The following CPQ variants were observed in gnomAD, a reference collection of about 807,000 sequenced individuals.
The protein encoded by CPQ is carboxypeptidase Q, also known as Ser-Met dipeptidase.
Under a neutral mutation model 45.7 loss-of-function variants are expected in CPQ, and 37 were observed. The observed-to-expected ratio is 0.81, with a 90% CI of 0.62 to 1.07. The LOEUF (loss-of-function observed/expected upper bound fraction) is 1.07. Among genes scored for constraint, CPQ ranks in the 50% least tolerant of loss-of-function variants. The pLI, the probability that CPQ is intolerant of heterozygous loss-of-function variation, is 0.00. For synonymous variants in CPQ, 186 were observed against 205.8 expected, an observed-to-expected ratio of 0.90 and a Z score of 0.82; for missense variants, 537 against 572.9, an observed-to-expected ratio of 0.94 and a Z score of 0.64.
At chr8:97,044,271 T>C (rs560420994) in intron 6 of CPQ, among the ~76,000 whole-genome samples, 40 of 152,358 alleles carry the variant, frequency 2.6e-4, no homozygotes, top group Middle Eastern at 3.4e-3. Flanking sequence ...TCCAGTTGAT[T>C]GCATCGGCTC....
intron 4 of CPQ, among the ~76,000 whole-genome samples, chr8:96,926,649 CCTT>C (rs1254904661): frequency 9.9e-5 from 12 of 120,824 alleles, no homozygotes; most frequent in African/African-American, 3.7e-4. Flanking sequence ...TTCTTCTTCT[CCTT>C]CTCCTTCTCC....
intron 5 of CPQ, among the ~76,000 whole-genome samples, chr8:96,977,373 A>G (rs932289380): frequency 6.6e-6 from 1 of 152,044 alleles, no homozygotes; most frequent in Non-Finnish European, 1.5e-5. Flanking sequence ...AAAAGGGAAC[A>G]CTTTTACACT....
At chr8:96,904,800 G>A (rs1002821607) in intron 4 of CPQ, among the ~76,000 whole-genome samples, 1 of 152,040 alleles carries the variant, frequency 6.6e-6, no homozygotes, top group African/African-American at 2.4e-5. Context: ...CAACTCCAAG[G>A]GGTGCCACTT....
rs189019747 is a variant in CPQ at position 96,734,080 on chromosome 8, C to T, written c.-34-50784C>T. On this transcript the variant is annotated intron_variant, in intron 1 of 7. Coordinates refer to ENST00000220763, the MANE Select transcript of CPQ (RefSeq NM_016134.4). ...TCTAAGAGGCATTAATTACAGTGCG[C>T]ACAGCTGTATGTAGCAGTATGGGCT... Among the ~76,000 whole-genome samples, 6 of 152,292 alleles carry T rather than the reference C, an allele frequency of 3.9e-5. No individual in the cohort carries two copies. In the East Asian group the frequency reaches 1.2e-3, roughly 29 times the overall value.
At chr8:96,794,431 A>G (rs1401607745) in intron 2 of CPQ, among the ~76,000 whole-genome samples, 2 of 152,166 alleles carry the variant, frequency 1.3e-5, no homozygotes, top group Non-Finnish European at 2.9e-5. Context: ...GGCACACAGT[A>G]TGAGGATCCT....
At chr8:96,987,199 A>ATATG (rs1333902215) in intron 5 of CPQ, among the ~76,000 whole-genome samples, 2 of 152,090 alleles carry the variant, frequency 1.3e-5, no homozygotes, top group Non-Finnish European at 1.5e-5. Flanking sequence ...GTATACTTCC[A>ATATG]TTGTCAGATT....
intron 1 of CPQ, among the ~76,000 whole-genome samples, chr8:96,674,658 A>G (rs550855937): frequency 4.6e-5 from 7 of 152,290 alleles, no homozygotes; most frequent in South Asian, 4.1e-4. Flanking sequence ...CAAAATGTGA[A>G]CAAAATGTTT....
chr8:96,704,142 A>G (rs113490938), intron 1 of CPQ, among the ~76,000 whole-genome samples: 3,652 of 152,264 alleles, frequency 0.024, 161 homozygotes, highest in African/African-American at 0.083. Flanking sequence ...AGGAAGACCA[A>G]GCACTGAACA....
intron 1 of CPQ, among the ~76,000 whole-genome samples, chr8:96,718,739 G>A (rs964191213): frequency 6.6e-6 from 1 of 152,118 alleles, no homozygotes; most frequent in Non-Finnish European, 1.5e-5. Flanking sequence ...GCGCTGATTG[G>A]TGCGTTTACA....
chr8:96,807,966 G>A lies in CPQ; in HGVS notation c.433+22636G>A, dbSNP rs373069718. 2.3e-3 allele frequency among the ~76,000 whole-genome samples: 346 copies of A among 152,252 alleles called. 5 individuals carry two copies. Among genetic ancestry groups the A allele is most frequent in the African/African-American group, 8.1e-3 (338 of 41,538 alleles). On this transcript the variant is annotated intron_variant, in intron 2 of 7. Coordinates refer to ENST00000220763, the MANE Select transcript of CPQ (RefSeq NM_016134.4). ...CAATGTCAGGGTGAACATATGTGAG[G>A]GATTCACACTTCTCAAAGAAAAGCA...
chr8:97,092,820 G>T, intron 7 of CPQ: 1 of 152,064 alleles, frequency 6.6e-6, no homozygotes, highest in South Asian at 2.1e-4. Context: ...AAATCGACAA[G>T]TGGGACCTAA....
chr8:96,797,711 G>A (rs1035217226), intron 2 of CPQ, among the ~76,000 whole-genome samples: 5 of 151,792 alleles, frequency 3.3e-5, no homozygotes, highest in African/African-American at 1.2e-4. Context: ...GAGGTTAGGA[G>A]TTTGAGACCA....
chr8:97,123,507 C>A (rs189503389), intron 7 of CPQ, among the ~76,000 whole-genome samples: 3 of 150,500 alleles, frequency 2.0e-5, no homozygotes, highest in African/African-American at 4.9e-5. Context: ...GCTAGAGCAA[C>A]CATTTTTAAA....
At chr8:96,777,743 TA>T (rs1810627278) in intron 1 of CPQ, among the ~76,000 whole-genome samples, 1 of 12,238 alleles carries the variant, frequency 8.2e-5, no homozygotes, top group African/African-American at 3.0e-4. Context: ...TATATATATA[TA>T]TATATATATA....
At chr8:96,843,637 G>A (rs1419511782) in intron 3 of CPQ, among the ~76,000 whole-genome samples, 1 of 152,174 alleles carries the variant, frequency 6.6e-6, no homozygotes, top group Non-Finnish European at 1.5e-5. Flanking sequence ...GTATCGCCAG[G>A]GCTGTGCTCT....
chr8:97,123,014 TA>T lies in CPQ; in HGVS notation c.1256-20002del, dbSNP rs1282197983. On this transcript the variant is annotated intron_variant, in intron 7 of 7. Coordinates refer to ENST00000220763, the MANE Select transcript of CPQ (RefSeq NM_016134.4). Reference sequence around the variant, plus strand: ...AAATAAAATAAAATATAAAATAAAATAAAATAAAATAAATAAAATAAAATAA... The same window carrying T: ...AAATAAAATAAAATATAAAATAAAATAAATAAAATAAATAAAATAAAATAA... Among the ~76,000 whole-genome samples, 22 of 24,430 alleles carry T rather than the reference TA, an allele frequency of 9.0e-4. 1 individual carries two copies. The highest frequency in any genetic ancestry group is 4.0e-3 in the Admixed American group (6 of 1,488). 16.0% of individuals were successfully genotyped at this position (24,430 alleles called of 152,430 possible).
intron 5 of CPQ, among the ~76,000 whole-genome samples, chr8:96,975,898 A>G (rs1724915544): frequency 6.6e-6 from 1 of 152,126 alleles, no homozygotes; most frequent in African/African-American, 2.4e-5. Flanking sequence ...GAATAGGGAA[A>G]GTTGAAAGCA....
chr8:97,071,890 A>C (rs1810750318), intron 7 of CPQ, among the ~76,000 whole-genome samples: 1 of 152,140 alleles, frequency 6.6e-6, no homozygotes, highest in South Asian at 2.1e-4. Context: ...TGCCATTCTC[A>C]GCATGTAGAC....
chr8:96,726,649 C>T (rs1195123439), intron 1 of CPQ, among the ~76,000 whole-genome samples: 3 of 152,094 alleles, frequency 2.0e-5, no homozygotes, highest in South Asian at 2.1e-4. Flanking sequence ...AAACCATTCA[C>T]GAGAAATCCA....
Sources: gnomAD v4.1 joint callset for allele counts (sites outside exome capture counted in the v4.1 genomes callset) on GRCh38, gnomAD v4.1.1 for gene constraint, MANE v1.5 for transcripts, NCBI Gene and HGNC (gene_info 2026-07-23, HGNC 2026-07-21) for gene names.